The following PTPRD variants were observed in gnomAD, a reference collection of about 807,000 sequenced individuals.
PTPRD encodes the protein receptor-type tyrosine-protein phosphatase delta.
A neutral mutation model predicts 214.5 loss-of-function variants in PTPRD; 34 were observed. That is an observed-to-expected ratio of 0.16 (90% confidence interval 0.12 to 0.21). PTPRD has a LOEUF of 0.21. Among genes scored for constraint, PTPRD ranks in the 10% least tolerant of loss-of-function variants. The probability of loss-of-function intolerance (pLI) is 1.00; values close to 1 mark genes in which losing one functional copy is unlikely to be tolerated. For missense variants in PTPRD, 2,545 were observed against 2,398.7 expected, an observed-to-expected ratio of 1.06 and a Z score of -1.27; for synonymous variants, 1,128 against 845.7, an observed-to-expected ratio of 1.33 and a Z score of -5.79.
intron 2 of PTPRD, among the ~76,000 whole-genome samples, chr9:10,356,646 CATT>C (rs994542201): frequency 2.2e-4 from 33 of 152,184 alleles, no homozygotes; most frequent in East Asian, 1.5e-3. Context: ...GTTTTCCAAA[CATT>C]ATGGCTCATG....
At chr9:8,905,145 T>A (rs1388666505) in intron 11 of PTPRD, among the ~76,000 whole-genome samples, 1 of 152,212 alleles carries the variant, frequency 6.6e-6, no homozygotes, top group Non-Finnish European at 1.5e-5. Context: ...AAAGTCAAGA[T>A]GAAGCTAAAG....
intron 9 of PTPRD, among the ~76,000 whole-genome samples, chr9:9,289,181 A>G (rs975888115): frequency 7.2e-5 from 11 of 151,794 alleles, no homozygotes; most frequent in African/African-American, 2.7e-4. Context: ...AATGGTAGGT[A>G]TTTCCTTTTA....
At chr9:9,106,612 CAAAA>C (rs5896301) in intron 10 of PTPRD, among the ~76,000 whole-genome samples, 2 of 71,628 alleles carry the variant, frequency 2.8e-5, no homozygotes, top group East Asian at 5.4e-4. Context: ...ATTCCATAGG[CAAAA>C]AAAAAAAAAA....
chr9:9,255,479 A>G (rs1048940805), intron 9 of PTPRD, among the ~76,000 whole-genome samples: 1 of 152,052 alleles, frequency 6.6e-6, no homozygotes, highest in Non-Finnish European at 1.5e-5. Flanking sequence ...CTCTATCTCT[A>G]AAACCATTCC....
At chr9:8,713,944 G>A (rs1479377606) in intron 12 of PTPRD, 2 of 638,952 alleles carry the variant, frequency 3.1e-6, no homozygotes, top group Non-Finnish European at 5.4e-6. Context: ...GAGGACCATG[G>A]TGAGAATTAG....
At chr9:10,366,389 C>G (rs529015125) in intron 2 of PTPRD, among the ~76,000 whole-genome samples, 15 of 152,258 alleles carry the variant, frequency 9.9e-5, no homozygotes, top group African/African-American at 3.6e-4. Context: ...TGATGCTGCT[C>G]TGGTTTGACA....
intron 21 of PTPRD, among the ~76,000 whole-genome samples, chr9:8,508,306 G>T (rs183680884): frequency 1.3e-5 from 2 of 152,150 alleles, no homozygotes; most frequent in Non-Finnish European, 2.9e-5. Flanking sequence ...AAATGAACTA[G>T]AATAATTAGT....
chr9:10,461,336 A>G (rs150852369), intron 2 of PTPRD, among the ~76,000 whole-genome samples: 1 of 151,992 alleles, frequency 6.6e-6, no homozygotes, highest in Admixed American at 6.6e-5. Flanking sequence ...AATTAAAAAT[A>G]GAACTACCAT....
chr9:8,628,536 A>G (rs1017515270), intron 14 of PTPRD, among the ~76,000 whole-genome samples: 8 of 151,536 alleles, frequency 5.3e-5, no homozygotes, highest in African/African-American at 1.9e-4. Context: ...AGGCATGTCA[A>G]TGAATCACGG....
At chr9:9,916,374 A>G (rs971516356) in intron 5 of PTPRD, among the ~76,000 whole-genome samples, 4 of 152,012 alleles carry the variant, frequency 2.6e-5, no homozygotes, top group Non-Finnish European at 5.9e-5. Flanking sequence ...AATAAAAGAA[A>G]AAAGGAACAA....
At chr9:8,887,416 T>A (rs2098500566) in intron 11 of PTPRD, among the ~76,000 whole-genome samples, 1 of 152,090 alleles carries the variant, frequency 6.6e-6, no homozygotes, top group Admixed American at 6.6e-5. Flanking sequence ...CTTGTACAGA[T>A]CCAAAATGAT....
At chr9:9,911,993 T>A (rs10217188) in intron 5 of PTPRD, among the ~76,000 whole-genome samples, 76,916 of 151,824 alleles carry the variant, frequency 0.51, 21,042 homozygotes, top group Non-Finnish European at 0.63. Context: ...ATCTTAATAA[T>A]GTTTATTTAT....
chr9:9,167,889 T>C (rs1318629185), intron 10 of PTPRD, among the ~76,000 whole-genome samples: 2 of 152,200 alleles, frequency 1.3e-5, no homozygotes, highest in Non-Finnish European at 2.9e-5. Context: ...TGGAGAGACA[T>C]TGCACTGACA....
chr9:9,277,361 T>C (rs1946053088), intron 9 of PTPRD, among the ~76,000 whole-genome samples: 2 of 151,406 alleles, frequency 1.3e-5, no homozygotes, highest in South Asian at 2.1e-4. Context: ...CTATCTGGTA[T>C]TGATAGAGCT....
intron 7 of PTPRD, among the ~76,000 whole-genome samples, chr9:9,664,088 T>TAA (rs71319290): frequency 2.0e-4 from 23 of 114,514 alleles, no homozygotes; most frequent in African/African-American, 6.3e-4. Flanking sequence ...CACTCCTGTG[T>TAA]AAAAAAAAAA....
intron 9 of PTPRD, among the ~76,000 whole-genome samples, chr9:9,368,449 A>G (rs2058493076): frequency 1.3e-5 from 2 of 151,866 alleles, no homozygotes; most frequent in Non-Finnish European, 2.9e-5. Flanking sequence ...TGAGAGATGT[A>G]ACATATTTCC....
At chr9:10,149,056 C>G (rs1024517061) in intron 3 of PTPRD, among the ~76,000 whole-genome samples, 1 of 152,142 alleles carries the variant, frequency 6.6e-6, no homozygotes, top group East Asian at 1.9e-4. Context: ...AATAGAAGGA[C>G]ATGAGAATAT....
chr9:9,208,970 G>A (rs1210176553), intron 9 of PTPRD, among the ~76,000 whole-genome samples: 1 of 151,998 alleles, frequency 6.6e-6, no homozygotes, highest in Non-Finnish European at 1.5e-5. Flanking sequence ...AATATGCCTG[G>A]CTAATTTTTT....
intron 13 of PTPRD, among the ~76,000 whole-genome samples, chr9:8,635,881 C>G (rs1383980503): frequency 6.6e-6 from 1 of 152,054 alleles, no homozygotes; most frequent in African/African-American, 2.4e-5. Context: ...ATTTCTCCTC[C>G]AGAATGAGCA....
Sources: gnomAD v4.1 joint callset for allele counts (sites outside exome capture counted in the v4.1 genomes callset) on GRCh38, gnomAD v4.1.1 for gene constraint, MANE v1.5 for transcripts, NCBI Gene and HGNC (gene_info 2026-07-23, HGNC 2026-07-21) for gene names.